Variants in USP53 observed in about 807,000 individuals in gnomAD.
The protein encoded by USP53 is ubiquitin specific peptidase 53, also known as ubiquitin carboxyl-terminal hydrolase 53.
USP53 carries 71 observed loss-of-function variants against 94.9 expected under a neutral mutation model. That is an observed-to-expected ratio of 0.75 (90% CI 0.62 to 0.91). The LOEUF (loss-of-function observed/expected upper bound fraction) is 0.91. Ranked by LOEUF, USP53 falls within the 40% of genes least tolerant of loss-of-function variation. USP53 has a pLI of 0.00. For missense variants in USP53, 1,173 were observed against 1,281.0 expected (o/e 0.92, Z 1.29); for synonymous variants, 375 against 422.7 (o/e 0.89, Z 1.39).
intron 3 of USP53, among the ~76,000 whole-genome samples, chr4:119,228,134 T>A (rs148699625): frequency 1.8e-4 from 27 of 152,342 alleles, no homozygotes; most frequent in African/African-American, 6.3e-4. Flanking sequence ...TTAACTGGAT[T>A]CTGTGCTCTG....
intron 7 of USP53, among the ~76,000 whole-genome samples, chr4:119,253,697 T>TG (rs1185849257): frequency 6.6e-6 from 1 of 152,232 alleles, no homozygotes; most frequent in Non-Finnish European, 1.5e-5. Context: ...GTCTTTTAAT[T>TG]GGGGCCTTTA....
At chr4:119,261,933 G>A (rs1750568521) in intron 12 of USP53, 69 bp downstream of exon 12, 2 of 1,197,398 alleles carry the variant, frequency 1.7e-6, no homozygotes, top group African/African-American at 1.6e-5. Context: ...ATGATATATT[G>A]ATATTAATAT....
At chr4:119,241,310 T>C (rs915392096) in intron 5 of USP53, among the ~76,000 whole-genome samples, 1 of 152,188 alleles carries the variant, frequency 6.6e-6, no homozygotes, top group African/African-American at 2.4e-5. Flanking sequence ...TATCTGCATA[T>C]TTGCCATTTC....
rs551943555 is a variant in USP53 at position 119,268,289 on chromosome 4, A to T, written c.1157A>T (p.His386Leu). Residue 386 changes from histidine (H) to leucine (L), a missense_variant, in exon 14 of 19, where the codon CAT (histidine) becomes CTT (leucine). Physicochemically the swap from His to Leu is moderately conservative, Grantham distance 99. Transcript: ENST00000692078. ...ENMGCEKPVI[H>L]KSDNLKENGF... ...TAAGGATGTGAAAAGCCTGTAATTCATAAGTCAGATAATTTAAAAGAAAAT... is the reference window on the plus strand; with the variant it reads ...TAAGGATGTGAAAAGCCTGTAATTCTTAAGTCAGATAATTTAAAAGAAAAT... 8 of 1,613,126 alleles carry T rather than the reference A, an allele frequency of 5.0e-6. No individual in the cohort carries two copies. In the South Asian group the frequency reaches 8.8e-5, roughly 18 times the overall value.
In USP53 at chr4:119,288,986, C is replaced by T. The variant is rs182154419; in HGVS notation, c.2252-2179C>T. 1.7e-3 allele frequency among the ~76,000 whole-genome samples: 249 copies of T among 150,794 alleles called. 1 individual carries two copies. The highest frequency in any genetic ancestry group is 5.7e-3 in the African/African-American group (235 of 41,118). On this transcript the variant is annotated intron_variant, in intron 17 of 18. Transcript: ENST00000692078. ...TACTGGTTTGCTGAGTTATGCAGGG[C>T]TTCCAAGTGTTGATACATTTCACTA...
chr4:119,279,789 G>T (rs987691334), intron 17 of USP53, among the ~76,000 whole-genome samples: 21 of 152,248 alleles, frequency 1.4e-4, no homozygotes, highest in Admixed American at 1.4e-3. Context: ...CCAGGTGTGG[G>T]ATATAATCTC....
Position 119,239,357 on chromosome 4 carries a change from C to T in USP53, c.-403C>T, listed in dbSNP as rs1747220955. The stretch of plus-strand genomic sequence containing the variant: ...GGAATCATGCCAAATGCCAACTCTA[C>T]ATCTTTTTGTATTATTAACATATTT... On this transcript the variant is annotated 5_prime_UTR_variant, in exon 5 of 19. Transcript: ENST00000692078. The T allele has an allele frequency of 5.8e-6, 1 of 171,960 alleles. No individual in the cohort carries two copies. The highest frequency in any genetic ancestry group is 6.3e-5 in the Admixed American group (1 of 15,870). 10.7% of individuals were successfully genotyped at this position (171,960 alleles called of 1,614,324 possible).
At chr4:119,281,932 T>G (rs1428448067) in intron 17 of USP53, among the ~76,000 whole-genome samples, 1 of 152,118 alleles carries the variant, frequency 6.6e-6, no homozygotes, top group Admixed American at 6.5e-5. Context: ...CTTTTCTATC[T>G]TCTCAAACTG....
At chr4:119,215,814 A>AT (rs1224166026) in intron 2 of USP53, among the ~76,000 whole-genome samples, 1 of 152,104 alleles carries the variant, frequency 6.6e-6, no homozygotes, top group Admixed American at 6.6e-5. Context: ...GTTCATCAGA[A>AT]TTTTTTCTGC....
chr4:119,287,341 T>C (rs1754223921), intron 17 of USP53, among the ~76,000 whole-genome samples: 1 of 152,110 alleles, frequency 6.6e-6, no homozygotes, highest in Non-Finnish European at 1.5e-5. Context: ...ATTTACTATA[T>C]GGAGCGATGT....
At chr4:119,263,977 A>G (rs557539653) in intron 12 of USP53, among the ~76,000 whole-genome samples, 1 of 152,312 alleles carries the variant, frequency 6.6e-6, no homozygotes, top group Admixed American at 6.5e-5. Flanking sequence ...AGGCAGGAGA[A>G]TTGCTTGAAC....
At chr4:119,226,305 C>T (rs4833611) in intron 3 of USP53, among the ~76,000 whole-genome samples, 52,932 of 151,938 alleles carry the variant, frequency 0.35, 9,365 homozygotes, top group African/African-American at 0.39. Context: ...TTGTACAGGA[C>T]GTCCTACCTA....
Position 119,239,588 on chromosome 4 carries a change from CAG to C in USP53, c.-169_-168del, listed in dbSNP as rs1747246000. On this transcript the variant is annotated 5_prime_UTR_variant, in exon 5 of 19. The change abolishes the stop of an existing upstream ORF in the 5' untranslated region. Coordinates refer to ENST00000692078, the MANE Select transcript of USP53 (RefSeq NM_001371395.1). ...GTTTATGCACCCTATTGTTACTTGT[CAG>C]AGTCTTTAAGAGTTTATAACATCAG... 2 of 699,912 alleles carry C rather than the reference CAG, an allele frequency of 2.9e-6. No homozygotes were observed. The highest frequency in any genetic ancestry group is 5.7e-5 in the East Asian group (2 of 34,940). The allele number at this position is 699,912 out of a possible 1,614,324, so 43.4% of individuals were successfully genotyped here.
At chr4:119,249,184 T>C (rs1174284437) in intron 7 of USP53, among the ~76,000 whole-genome samples, 1 of 152,226 alleles carries the variant, frequency 6.6e-6, no homozygotes, top group Non-Finnish European at 1.5e-5. Flanking sequence ...TAAATCAGTG[T>C]TCTGCCACTA....
At chr4:119,236,665 C>T (rs1364628376) in intron 4 of USP53, among the ~76,000 whole-genome samples, 1 of 152,170 alleles carries the variant, frequency 6.6e-6, no homozygotes, top group African/African-American at 2.4e-5. Flanking sequence ...AGAAGCAATT[C>T]CCCTGTTCAA....
At chr4:119,254,357 C>T (rs1749466729) in intron 7 of USP53, among the ~76,000 whole-genome samples, 2 of 152,140 alleles carry the variant, frequency 1.3e-5, no homozygotes, top group South Asian at 4.1e-4. Flanking sequence ...TCAGGTACAC[C>T]AATCAAACAT....
At chr4:119,273,809 A>T in intron 17 of USP53, 101 bp downstream of exon 17, 1 of 930,320 alleles carries the variant, frequency 1.1e-6, no homozygotes, top group East Asian at 2.7e-5. Context: ...TATGACTATA[A>T]AAATTATTTT....
chr4:119,276,545 T>C (rs985729599), intron 17 of USP53, among the ~76,000 whole-genome samples: 7 of 150,692 alleles, frequency 4.6e-5, no homozygotes, highest in Admixed American at 2.0e-4. Flanking sequence ...ATCAAGGATA[T>C]TGGTCTAAAA....
intron 3 of USP53, among the ~76,000 whole-genome samples, chr4:119,233,331 C>T (rs1371041091): frequency 6.6e-6 from 1 of 151,922 alleles, no homozygotes; most frequent in East Asian, 1.9e-4. Flanking sequence ...TTTCATCTTA[C>T]TTCTCTTTTT....
Sources: gnomAD v4.1 joint callset for allele counts (sites outside exome capture counted in the v4.1 genomes callset) on GRCh38, gnomAD v4.1.1 for gene constraint, MANE v1.5 for transcripts, NCBI Gene and HGNC (gene_info 2026-07-23, HGNC 2026-07-21) for gene names.